IMPA1: variants seen among roughly 807,000 people sequenced by gnomAD.
IMPA1 encodes the protein D-galactose 1-phosphate phosphatase.
A neutral mutation model predicts 34.9 loss-of-function variants in IMPA1; 21 were observed. The ratio of observed to expected loss-of-function variants is 0.60; its 90% confidence interval spans 0.43 to 0.87. The LOEUF (loss-of-function observed/expected upper bound fraction) is 0.87, where lower values mean the gene tolerates loss of function less well. Among genes scored for constraint, IMPA1 ranks in the 40% least tolerant of loss-of-function variants. IMPA1 has a pLI of 0.00. For synonymous variants in IMPA1, 95 were observed against 104.4 expected, an observed-to-expected ratio of 0.91 and a Z score of 0.55; for missense variants, 299 against 336.4, an observed-to-expected ratio of 0.89 and a Z score of 0.87.
intron 7 of IMPA1, among the ~76,000 whole-genome samples, chr8:81,667,910 G>A (rs566701902): frequency 2.0e-5 from 3 of 150,724 alleles, no homozygotes; most frequent in South Asian, 2.1e-4. Context: ...TGCAAGCTCC[G>A]CCTCCCAGTT....
chr8:81,681,655 T>C (rs1807304121), intron 1 of IMPA1, 71 bp from the exon 2 acceptor site: 6 of 847,682 alleles, frequency 7.1e-6, no homozygotes, highest in East Asian at 2.6e-5. Context: ...AACGTCTTAA[T>C]TAGAAACAGA....
At chr8:81,676,491 C>A (rs982935588) in intron 4 of IMPA1, among the ~76,000 whole-genome samples, 7 of 152,040 alleles carry the variant, frequency 4.6e-5, no homozygotes, top group Non-Finnish European at 8.8e-5. Flanking sequence ...ACACACCCTC[C>A]CCCCAACACA....
chr8:81,686,121 A>T, intron 1 of IMPA1, 131 bp downstream of exon 1: 1 of 803,580 alleles, frequency 1.2e-6, no homozygotes, highest in Non-Finnish European at 1.7e-6. Context: ...GGTCACCCAG[A>T]GGCTGCCTCC....
intron 7 of IMPA1, 76 bp downstream of exon 7, chr8:81,670,863 G>T: frequency 3.0e-6 from 2 of 674,052 alleles, no homozygotes; most frequent in Non-Finnish European, 5.0e-6. Context: ...CTCTAAAATG[G>T]TACAGGAAAA....
chr8:81,682,979 C>T (rs1009006288), intron 1 of IMPA1, among the ~76,000 whole-genome samples: 2 of 152,162 alleles, frequency 1.3e-5, no homozygotes, highest in African/African-American at 2.4e-5. Context: ...AAAATAACAA[C>T]TGGAATAATA....
rs1232147096 is a variant in IMPA1, at chr8:81,676,292, A to C, written c.303-13T>G. The C allele has an allele frequency of 1.6e-6, 2 of 1,227,044 alleles. No individual in the cohort carries two copies. The highest frequency in any genetic ancestry group is 2.3e-6 in the Non-Finnish European group (2 of 882,138). 76.0% of individuals were successfully genotyped at this position (1,227,044 alleles called of 1,614,324 possible). ...TACAAAAGGAAATCTTTTTTTAAAA[A>C]AAAGGACAAAATACAAATTAACCAA... On this transcript the variant is annotated splice_polypyrimidine_tract_variant and intron_variant, in intron 4 of 8. Coordinates refer to ENST00000256108, the MANE Select transcript of IMPA1 (RefSeq NM_005536.4).
chr8:81,667,744 G>T (rs1349674610), intron 7 of IMPA1, among the ~76,000 whole-genome samples: 1 of 151,416 alleles, frequency 6.6e-6, no homozygotes, highest in Non-Finnish European at 1.5e-5. Context: ...TGAGGAACAA[G>T]GTATCGGATC....
intron 7 of IMPA1, among the ~76,000 whole-genome samples, chr8:81,661,507 A>C (rs771101538): frequency 5.9e-5 from 9 of 152,242 alleles, no homozygotes; most frequent in Non-Finnish European, 1.0e-4. Context: ...TCCAAATATA[A>C]TCATGAGGAA....
At chr8:81,680,860 A>G in intron 2 of IMPA1, 77 bp from the exon 3 acceptor site, 1 of 1,056,950 alleles carries the variant, frequency 9.5e-7, no homozygotes, top group Non-Finnish European at 1.4e-6. Context: ...ATGGTTTAAG[A>G]CATTCAATCT....
chr8:81,679,002 T>C, intron 4 of IMPA1, 124 bp downstream of exon 4: 1 of 612,278 alleles, frequency 1.6e-6, no homozygotes, highest in Middle Eastern at 4.4e-4. Context: ...TATACTTTAT[T>C]AGAATAAAGA....
At chr8:81,679,734 A>G (rs1403036674) in intron 3 of IMPA1, among the ~76,000 whole-genome samples, 1 of 152,226 alleles carries the variant, frequency 6.6e-6, no homozygotes, top group Non-Finnish European at 1.5e-5. Context: ...CCATGAATAA[A>G]GCGATGTGAA....
chr8:81,673,905 G>A lies in IMPA1; in HGVS notation c.393C>T (p.Tyr131=), dbSNP rs772060191. 2 of 1,613,214 alleles carry A rather than the reference G, an allele frequency of 1.2e-6. No individual in the cohort carries two copies. Among genetic ancestry groups the A allele is most frequent in the Admixed American group, 1.7e-5 (1 of 60,010 alleles). The change falls in exon 6 of 9, where the codon TAC becomes TAT. Residue 131 remains tyrosine, a synonymous_variant. Transcript: ENST00000256108. Reference sequence around the variant, plus strand: ...AGGCACCTTTTCCTTTTCTGGCAGTGTACATCTTGCCTTCCACACAACTGT... The same window carrying A: ...AGGCACCTTTTCCTTTTCTGGCAGTATACATCTTGCCTTCCACACAACTGT... ...VVYSCVEGKM[Y]TARKGKGAFC...
At position 81,657,885 on chromosome 8, in the gene IMPA1, C is replaced by G. The variant is rs1806562283; in HGVS notation, c.*1466G>C. ...ACCACAGCACAGTCAGAGACAGACC[C>G]TGGGCAACAGAGCGAGACCCTGAAT... On this transcript the variant is annotated 3_prime_UTR_variant, in exon 9 of 9. Transcript: ENST00000256108. 6.6e-6 allele frequency: 1 copy of G among 151,784 alleles called. No individual in the cohort carries two copies. Among genetic ancestry groups the G allele is most frequent in the African/African-American group, 2.4e-5 (1 of 41,310 alleles). The allele number at this position is 151,784 out of a possible 1,614,324, so 9.4% of individuals were successfully genotyped here. A position where few individuals can be genotyped will look rare whatever the true frequency, so the allele number is the denominator to read the frequency against.
At chr8:81,684,751 G>A (rs1323224400) in intron 1 of IMPA1, among the ~76,000 whole-genome samples, 2 of 141,064 alleles carry the variant, frequency 1.4e-5, no homozygotes, top group Non-Finnish European at 3.0e-5. Flanking sequence ...CTACACATAA[G>A]TATATTTAGA....
chr8:81,676,167 C>T (rs1807124350), intron 5 of IMPA1, 67 bp downstream of exon 5: 1 of 632,840 alleles, frequency 1.6e-6, no homozygotes, highest in South Asian at 3.3e-5. Flanking sequence ...ATTATGAAAA[C>T]ACATTTACTT....
At chr8:81,680,845 C>T in intron 2 of IMPA1, 62 bp from the exon 3 acceptor site, 1 of 1,249,328 alleles carries the variant, frequency 8.0e-7, no homozygotes, top group Non-Finnish European at 1.1e-6. Flanking sequence ...AGATAAAATA[C>T]ATAAATGGTT....
At chr8:81,685,233 TTAGATACTATATATACTATACATAAGTA>T (rs532074419) in intron 1 of IMPA1, among the ~76,000 whole-genome samples, 10,325 of 106,208 alleles carry the variant, frequency 0.097, 1,149 homozygotes, top group East Asian at 0.17. Flanking sequence ...ATAAGTATAT[TTAGATACTATATATACTATACATAAGTA>T]TAGATACTAT....
At chr8:81,672,968 A>G (rs765268914) in intron 6 of IMPA1, among the ~76,000 whole-genome samples, 47 of 152,222 alleles carry the variant, frequency 3.1e-4, no homozygotes, top group Admixed American at 7.2e-4. Context: ...GAGGACCCAA[A>G]AAACACTAAG....
In IMPA1 at chr8:81,665,699, G is replaced by GA. The variant is rs963095082; in HGVS notation, c.567-5033dup. On this transcript the variant is annotated intron_variant, in intron 7 of 8. Coordinates refer to ENST00000256108, the MANE Select transcript of IMPA1 (RefSeq NM_005536.4). ...AAAACTGTTAGCCAAAAATTCAGGG[G>GA]AAAAAAAACAGCCTCCAGTTAAAAG... Among the ~76,000 whole-genome samples the GA allele has an allele frequency of 7.2e-4, 109 of 151,236 alleles. No homozygotes were observed. In the East Asian group the frequency reaches 8.6e-3, roughly 12 times the overall value.
Sources: gnomAD v4.1 joint callset for allele counts (sites outside exome capture counted in the v4.1 genomes callset) on GRCh38, gnomAD v4.1.1 for gene constraint, MANE v1.5 for transcripts, NCBI Gene and HGNC (gene_info 2026-07-23, HGNC 2026-07-21) for gene names.